The following CA4 variants were observed in gnomAD, a reference collection of about 807,000 sequenced individuals.
CA4 encodes carbonic anhydrase 4, also known as CA-IV.
In CA4, 24 loss-of-function variants were observed where a neutral mutation model predicts 34.5. That is an observed-to-expected ratio of 0.70 (90% confidence interval 0.50 to 0.98). CA4 has a LOEUF of 0.98. Among genes scored for constraint, CA4 ranks in the 50% least tolerant of loss-of-function variants. CA4 has a pLI of 0.00. For synonymous variants in CA4, 178 were observed against 170.6 expected, an observed-to-expected ratio of 1.04 and a Z score of -0.34; for missense variants, 394 against 396.7, an observed-to-expected ratio of 0.99 and a Z score of 0.06.
intron 2 of CA4, 152 bp downstream of exon 2, chr17:60,155,519 A>G: frequency 1.6e-6 from 1 of 635,128 alleles, no homozygotes. Flanking sequence ...ACACACACAC[A>G]CACACTCTCT....
In CA4 at chr17:60,158,278, C is replaced by T. The variant is rs1405355324; in HGVS notation, c.581-5C>T. On this transcript the variant is annotated splice_region_variant and splice_polypyrimidine_tract_variant and intron_variant, in intron 6 of 7. Coordinates refer to ENST00000300900, the MANE Select transcript of CA4 (RefSeq NM_000717.5). ...CACTGACAGTGTCCTCTGCCCCTAT[C>T]TCAGAGATGAGCACTACGATGGCAG... is the stretch of plus-strand genomic sequence containing the variant. 1.2e-6 allele frequency: 2 copies of T among 1,614,080 alleles called. No homozygotes were observed. The highest frequency in any genetic ancestry group is 3.3e-4 in the Middle Eastern group (2 of 6,062).
intron 5 of CA4, 88 bp downstream of exon 5, chr17:60,157,876 G>T: frequency 6.6e-7 from 1 of 1,510,136 alleles, no homozygotes; most frequent in South Asian, 1.2e-5. Flanking sequence ...AGCGAGGCAG[G>T]AGGGGGCGGG....
At chr17:60,168,558 C>CT (rs56975820) in intron 5 of CA4, among the ~76,000 whole-genome samples, 7 of 90,152 alleles carry the variant, frequency 7.8e-5, no homozygotes, top group Admixed American at 1.1e-4. Flanking sequence ...AGGGTGATTT[C>CT]TTTTTTTTTT....
chr17:60,156,116 G>A (rs562027484), intron 2 of CA4, among the ~76,000 whole-genome samples: 4 of 152,180 alleles, frequency 2.6e-5, no homozygotes, highest in African/African-American at 9.6e-5. Context: ...CAGCCCCCCC[G>A]GGGGTCCCAC....
the CA4 span, among the ~76,000 whole-genome samples, chr17:60,176,793 TG>T: frequency 6.6e-6 from 1 of 152,124 alleles, no homozygotes; most frequent in East Asian, 1.9e-4. Context: ...GACTGGGGGA[TG>T]GGGGGAGTGG....
exon 6 of CA4, chr17:60,170,663 G>C (rs1368600580): frequency 6.6e-6 from 1 of 152,306 alleles, no homozygotes; most frequent in Non-Finnish European, 1.5e-5. Flanking sequence ...AGAGGAGGAG[G>C]AGCTGCTTTG....
chr17:60,159,148 G>T, intron 7 of CA4, 82 bp from the exon 8 acceptor site: 2 of 1,263,704 alleles, frequency 1.6e-6, no homozygotes, highest in Non-Finnish European at 2.3e-6. Flanking sequence ...TCCCAGGACA[G>T]GATGAGGTGC....
chr17:60,164,074 A>G (rs1397645693), downstream of CA4, among the ~76,000 whole-genome samples: 3 of 150,462 alleles, frequency 2.0e-5, no homozygotes, highest in African/African-American at 7.3e-5. Context: ...GCACCATTGC[A>G]CTCCAGCCTG....
chr17:60,161,059 A>C (rs1453959612), downstream of CA4, among the ~76,000 whole-genome samples: 1 of 151,966 alleles, frequency 6.6e-6, no homozygotes, highest in Non-Finnish European at 1.5e-5. Context: ...TGATCTGCTG[A>C]TGGGTTAGCA....
downstream of CA4, among the ~76,000 whole-genome samples, chr17:60,164,132 C>T (rs1381241197): frequency 4.0e-5 from 6 of 150,860 alleles, no homozygotes; most frequent in East Asian, 9.7e-4. Flanking sequence ...AAAAAACAAA[C>T]GTAATCTTCC....
At position 60,158,437 on chromosome 17, in the gene CA4, C is replaced by T; in HGVS notation, c.735C>T (p.His245=). The stretch of plus-strand genomic sequence containing the variant: ...TGTTCCGGGAGCCCATTCAGCTTCA[C>T]AGAGAACAGGTGCACAGGGCCTGGG... ...WTVFREPIQL[H]REQILAFSQK... The change falls in exon 7 of 8, where the codon CAC becomes CAT. Residue 245 remains histidine (H), a synonymous_variant. Transcript: ENST00000300900. 6.2e-7 allele frequency: 1 copy of T among 1,613,926 alleles called. No individual in the cohort carries two copies. Among genetic ancestry groups the T allele is most frequent in the African/African-American group, 1.3e-5 (1 of 75,062 alleles).
rs926018782 is a variant in CA4, at chr17:60,159,291, A to T, written c.806A>T (p.Asn269Ile). ...DKEQTVSMKD[N>I]VRPLQQLGQR... ...GAACAGACAGTGAGCATGAAGGACAATGTCAGGCCCCTGCAGCAGCTGGGG... is the reference window on the plus strand; with the variant it reads ...GAACAGACAGTGAGCATGAAGGACATTGTCAGGCCCCTGCAGCAGCTGGGG... The change falls in exon 8 of 8, where the codon AAT becomes ATT. Residue 269 changes from asparagine (N) to isoleucine (I), a missense_variant. Transcript: ENST00000300900. 3.7e-6 allele frequency: 6 copies of T among 1,610,384 alleles called. No individual in the cohort carries two copies. Among genetic ancestry groups the T allele is most frequent in the Non-Finnish European group, 5.1e-6 (6 of 1,178,332 alleles).
At chr17:60,153,529 A>C (rs1339856893) in intron 1 of CA4, among the ~76,000 whole-genome samples, 1 of 152,106 alleles carries the variant, frequency 6.6e-6, no homozygotes, top group Admixed American at 6.6e-5. Flanking sequence ...TACTTTCTTA[A>C]TAAACGTGCT....
Position 60,157,992 on chromosome 17 carries a change from G to A in CA4, c.514-69G>A, listed in dbSNP as rs571511182. The A allele has an allele frequency of 7.7e-5, 123 of 1,591,220 alleles. 1 individual carries two copies. The Admixed American group carries it at 1.1e-3, about 15-fold the overall frequency. ...CTGCCTGGCCTTCCGCCCCCAGATCGGGAGAATGAACTGGCCACCACCACT... is the reference window on the plus strand; with the variant it reads ...CTGCCTGGCCTTCCGCCCCCAGATCAGGAGAATGAACTGGCCACCACCACT... On this transcript the variant is annotated intron_variant, in intron 5 of 7. Transcript: ENST00000300900.
chr17:60,179,016 A>G, the CA4 span: 1 of 419,896 alleles, frequency 2.4e-6, no homozygotes. Flanking sequence ...TTTTGTTTAC[A>G]GGCTAATGGT....
At chr17:60,150,347 G>A (rs2083568354) in intron 1 of CA4, among the ~76,000 whole-genome samples, 1 of 152,184 alleles carries the variant, frequency 6.6e-6, no homozygotes, top group South Asian at 2.1e-4. Flanking sequence ...TGTGCGCGTG[G>A]CCCGGCGAGA....
downstream of CA4, among the ~76,000 whole-genome samples, chr17:60,175,347 T>G (rs1304349423): frequency 6.6e-6 from 1 of 151,882 alleles, no homozygotes; most frequent in African/African-American, 2.4e-5. Flanking sequence ...GGTGGGCAGA[T>G]AGCTTAAGCC....
downstream of CA4, among the ~76,000 whole-genome samples, chr17:60,163,210 G>A (rs746661581): frequency 6.6e-5 from 10 of 151,862 alleles, no homozygotes; most frequent in African/African-American, 2.2e-4. Context: ...CTGTGTGGAC[G>A]TCTGCCCATG....
chr17:60,169,265 C>CAAAAAAAAAAAAAAA (rs1567737713), intron 5 of CA4, among the ~76,000 whole-genome samples: 7 of 139,598 alleles, frequency 5.0e-5, no homozygotes, highest in African/African-American at 2.1e-4. Flanking sequence ...AAAAAAAAAG[C>CAAAAAAAAAAAAAAA]AGCAGCAGCA....
Sources: gnomAD v4.1 joint callset for allele counts (sites outside exome capture counted in the v4.1 genomes callset) on GRCh38, gnomAD v4.1.1 for gene constraint, MANE v1.5 for transcripts, NCBI Gene and HGNC (gene_info 2026-07-23, HGNC 2026-07-21) for gene names.